The following SCN7A variants were observed in gnomAD, a reference collection of about 807,000 sequenced individuals.
The protein encoded by SCN7A is sodium channel protein type 7 subunit alpha.
SCN7A carries 138 observed loss-of-function variants against 155.2 expected under a neutral mutation model. The ratio of observed to expected loss-of-function variants is 0.89; its 90% CI spans 0.77 to 1.02. SCN7A has a LOEUF of 1.02. Ranked by LOEUF, SCN7A falls within the 50% of genes least tolerant of loss-of-function variation. SCN7A has a pLI of 0.00. For missense variants in SCN7A, 2,058 were observed against 1,986.6 expected (o/e 1.04, Z -0.68); for synonymous variants, 693 against 649.0 (o/e 1.07, Z -1.03).
chr2:166,410,059 G>T (rs1023890202), intron 24 of SCN7A, 124 bp from the exon 25 acceptor site: 2 of 1,198,844 alleles, frequency 1.7e-6, no homozygotes, highest in South Asian at 1.7e-5. Context: ...CTAAATTTTT[G>T]CCAAACTATA....
intron 1 of SCN7A, among the ~76,000 whole-genome samples, chr2:166,490,768 ATGTC>A (rs1295698112): frequency 1.3e-5 from 2 of 152,166 alleles, no homozygotes; most frequent in Non-Finnish European, 2.9e-5. Context: ...AATTCTGAAA[ATGTC>A]TGTCTGTTTT....
At chr2:166,423,532 T>C in intron 18 of SCN7A, 100 bp from the exon 19 acceptor site, 1 of 1,274,968 alleles carries the variant, frequency 7.8e-7, no homozygotes, top group Non-Finnish European at 1.0e-6. Flanking sequence ...AATAGGCATA[T>C]GGTGAGCACT....
At chr2:166,438,702 A>G (rs1701889399) in intron 15 of SCN7A, among the ~76,000 whole-genome samples, 1 of 152,072 alleles carries the variant, frequency 6.6e-6, no homozygotes, top group African/African-American at 2.4e-5. Context: ...CAACAGCTTC[A>G]AAGATTATCT....
At chr2:166,430,664 C>G (rs1426849211) in intron 16 of SCN7A, among the ~76,000 whole-genome samples, 3 of 151,648 alleles carry the variant, frequency 2.0e-5, no homozygotes, top group Admixed American at 6.6e-5. Context: ...CATAAAGTGA[C>G]CATGATATAC....
chr2:166,406,302 T>G lies in SCN7A; in HGVS notation c.4327A>C (p.Ile1443Leu). ...FAGWDGMLDA[I>L]FNSKWSDCDP... ...CAGTCAGACCATTTACTGTTGAAAA[T>G]TGCATCAAGCATCCCATCCCAACCA... is the stretch of plus-strand genomic sequence containing the variant. Residue 1443 changes from isoleucine (I) to leucine (L), a missense_variant, in exon 26 of 26, where the codon ATT becomes CTT. Transcript: ENST00000643258. The G allele has an allele frequency of 6.2e-7, 1 of 1,613,020 alleles. No individual in the cohort carries two copies. The highest frequency in any genetic ancestry group is 8.5e-7 in the Non-Finnish European group (1 of 1,179,380).
intron 21 of SCN7A, among the ~76,000 whole-genome samples, chr2:166,414,065 TATTA>T (rs1349898069): frequency 3.8e-5 from 3 of 78,916 alleles, no homozygotes; most frequent in Non-Finnish European, 4.9e-5. Context: ...TATAAAAATA[TATTA>T]TATATGTAAA....
rs574412294 is a variant in SCN7A at position 166,443,628 on chromosome 2, T to C, written c.1675A>G (p.Met559Val). 19 of 1,562,892 alleles carry C rather than the reference T, an allele frequency of 1.2e-5. No homozygotes were observed. The highest frequency in any genetic ancestry group is 9.6e-5 in the Admixed American group (5 of 51,830). The change falls in exon 14 of 26, where the codon ATG (methionine) becomes GTG (valine). Residue 559 changes from methionine (M) to valine (V), a missense_variant. Physicochemically the swap from Met to Val is conservative, Grantham distance 21. Coordinates refer to ENST00000643258, the MANE Select transcript of SCN7A (RefSeq NM_002976.4). The part of the protein sequence containing the change: ...TAEMIFKIIA[M>V]HPYGYFQVGW... The stretch of plus-strand genomic sequence containing the variant: ...ACTTGGAAATACCCATATGGATGCA[T>C]TGCAATTATTTTAAAAATCATTTCT...
At position 166,427,813 on chromosome 2, in the gene SCN7A, A is replaced by G. The variant is rs763025698; in HGVS notation, c.2828T>C (p.Val943Ala). ...NNWFKCFIGL[V>A]TLLSTGTLAF... ...CAGAGTGCCAGTGCTGAGCAGAGTA[A>G]CAAGCCCAATAAAACACTTAAACCA... The change falls in exon 18 of 26, where the codon GTT (valine) becomes GCT (alanine). Residue 943 changes from valine to alanine, a missense_variant. Transcript: ENST00000643258. 2 of 1,611,432 alleles carry G rather than the reference A, an allele frequency of 1.2e-6. No individual in the cohort carries two copies. The highest frequency in any genetic ancestry group is 8.5e-7 in the Non-Finnish European group (1 of 1,178,696).
Position 166,432,562 on chromosome 2 carries a change from T to C in SCN7A, c.2348A>G (p.Glu783Gly), listed in dbSNP as rs1045116115. The C allele has an allele frequency of 1.2e-6, 2 of 1,613,328 alleles. No individual in the cohort carries two copies. Among genetic ancestry groups the C allele is most frequent in the Admixed American group, 1.7e-5 (1 of 59,956 alleles). Residue 783 changes from glutamate to glycine, a missense_variant, in exon 16 of 26, where the codon GAG (glutamate) becomes GGG (glycine). Coordinates refer to ENST00000643258, the MANE Select transcript of SCN7A (RefSeq NM_002976.4). ...VPKDTMDHVN[E>G]VYVKEDISDH... The stretch of plus-strand genomic sequence containing the variant: ...AGAAATATCTTCTTTAACATATACC[T>C]CATTTACATGGTCCATTGTGTCCTT...
At chr2:166,429,387 A>G in intron 16 of SCN7A, 113 bp from the exon 17 acceptor site, 1 of 676,778 alleles carries the variant, frequency 1.5e-6, no homozygotes, top group Non-Finnish European at 2.5e-6. Flanking sequence ...AAATAATATT[A>G]TTAGGTTTAA....
intron 23 of SCN7A, among the ~76,000 whole-genome samples, chr2:166,410,843 C>A (rs1220193003): frequency 6.6e-6 from 1 of 151,834 alleles, no homozygotes; most frequent in Non-Finnish European, 1.5e-5. Context: ...CGGTTGAGGG[C>A]TTATTCATTT....
At chr2:166,434,432 T>C (rs984699628) in intron 15 of SCN7A, among the ~76,000 whole-genome samples, 2 of 152,166 alleles carry the variant, frequency 1.3e-5, no homozygotes, top group Non-Finnish European at 2.9e-5. Flanking sequence ...AAATATCTTT[T>C]ATAATCCACA....
In SCN7A at chr2:166,410,263, T is replaced by C; in HGVS notation, c.3668A>G (p.Lys1223Arg). ...KQRKQYRRLK[K>R]LMYEDSQRPV... The stretch of plus-strand genomic sequence containing the variant: ...TCTTTGAGAATCCTCATACATTAGC[T>C]TCTTCAGCCTGCGGTACTGTTTTCT... The change falls in exon 24 of 26, where the codon AAG becomes AGG. Residue 1223 changes from lysine (K) to arginine (R), a missense_variant. Lys to Arg is a conservative substitution (Grantham distance 26). Coordinates refer to ENST00000643258, the MANE Select transcript of SCN7A (RefSeq NM_002976.4). 9 of 1,556,886 alleles carry C rather than the reference T, an allele frequency of 5.8e-6. No individual in the cohort carries two copies. Among genetic ancestry groups the C allele is most frequent in the Non-Finnish European group, 7.8e-6 (9 of 1,148,730 alleles).
chr2:166,449,614 CT>C (rs1398964985), intron 11 of SCN7A, among the ~76,000 whole-genome samples: 1 of 151,882 alleles, frequency 6.6e-6, no homozygotes, highest in South Asian at 2.1e-4. Context: ...TCCAGTTCCT[CT>C]TTTTTTTCCA....
intron 15 of SCN7A, among the ~76,000 whole-genome samples, chr2:166,433,666 G>A (rs923515132): frequency 6.6e-6 from 1 of 152,054 alleles, no homozygotes; most frequent in African/African-American, 2.4e-5. Context: ...TTTCCAGGCA[G>A]CTCACTTCCC....
chr2:166,487,117 T>G (rs1575071061), intron 1 of SCN7A, 149 bp from the exon 2 acceptor site: 6 of 152,376 alleles, frequency 3.9e-5, no homozygotes, highest in Admixed American at 3.9e-4. Flanking sequence ...ATCTCATGTT[T>G]AAGTAATGTT....
rs1439189994 is a variant in SCN7A, at chr2:166,421,182, T to G, written c.3135+8A>C. On this transcript the variant is annotated splice_region_variant and intron_variant, in intron 20 of 25. Coordinates refer to ENST00000643258, the MANE Select transcript of SCN7A (RefSeq NM_002976.4). ...ATTTGTAGATTAGCTTAGAAACTTATCTCTTACCTTCATTCTTTCAAATTG... is the reference window on the plus strand; with the variant it reads ...ATTTGTAGATTAGCTTAGAAACTTAGCTCTTACCTTCATTCTTTCAAATTG... 3.4e-6 allele frequency: 5 copies of G among 1,481,630 alleles called. No homozygotes were observed. In the East Asian group the frequency reaches 1.0e-4, roughly 30 times the overall value. The allele number at this position is 1,481,630 out of a possible 1,614,324, so 91.8% of individuals were successfully genotyped here.
chr2:166,421,079 T>TATTA, intron 20 of SCN7A, 111 bp downstream of exon 20: 2 of 664,332 alleles, frequency 3.0e-6, no homozygotes, highest in South Asian at 4.0e-5. Context: ...GTTTTTGTTG[T>TATTA]ATTAATACTG....
intron 21 of SCN7A, among the ~76,000 whole-genome samples, chr2:166,414,089 ATATATAT>A (rs1288313893): frequency 1.2e-4 from 8 of 68,996 alleles, no homozygotes; most frequent in African/African-American, 3.9e-4. Context: ...ATATATGTAA[ATATATAT>A]AATATATTAT....
Sources: allele counts gnomAD v4.1 joint callset (sites outside exome capture counted in the v4.1 genomes callset), GRCh38; gene constraint gnomAD v4.1.1; transcripts MANE v1.5; gene names NCBI Gene and HGNC (gene_info 2026-07-23, HGNC 2026-07-21).